Variants in MBD5 observed in about 807,000 individuals in gnomAD.
MBD5 encodes methyl-CpG binding domain protein 5.
MBD5 carries 13 observed loss-of-function variants against 117.3 expected under a neutral mutation model. The ratio of observed to expected loss-of-function variants is 0.11; its 90% CI spans 0.07 to 0.18. The LOEUF (loss-of-function observed/expected upper bound fraction) is 0.18. MBD5 is among the 10% of genes least tolerant of loss of function. MBD5 has a pLI of 1.00. For missense variants in MBD5, 1,879 were observed against 2,093.8 expected (o/e 0.90, Z 2.00); for synonymous variants, 727 against 766.4 (o/e 0.95, Z 0.85).
intron 8 of MBD5, among the ~76,000 whole-genome samples, chr2:148,480,457 G>C (rs1167114855): frequency 6.6e-6 from 1 of 152,048 alleles, no homozygotes; most frequent in African/African-American, 2.4e-5. Context: ...GAGAAATTGT[G>C]ATCTCTACAT....
chr2:148,032,030 A>T (rs1694052295), intron 1 of MBD5, among the ~76,000 whole-genome samples: 1 of 152,112 alleles, frequency 6.6e-6, no homozygotes, highest in Non-Finnish European at 1.5e-5. Context: ...CCAGAAATTG[A>T]ACTTTTTTAT....
chr2:148,414,719 CTTCT>C (rs1705367850), intron 4 of MBD5, among the ~76,000 whole-genome samples: 2 of 152,100 alleles, frequency 1.3e-5, no homozygotes. Flanking sequence ...ATGTAATGCT[CTTCT>C]TTGTCTTTTT....
intron 4 of MBD5, among the ~76,000 whole-genome samples, chr2:148,392,740 C>T (rs977041884): frequency 4.6e-5 from 7 of 152,178 alleles, no homozygotes; most frequent in African/African-American, 1.7e-4. Flanking sequence ...AGGAACTTCT[C>T]TTCATCCTTT....
intron 8 of MBD5, among the ~76,000 whole-genome samples, chr2:148,478,954 AC>A (rs1681057549): frequency 6.6e-6 from 1 of 152,198 alleles, no homozygotes; most frequent in African/African-American, 2.4e-5. Context: ...ACAAAACAAA[AC>A]AAAAAAACAG....
intron 1 of MBD5, among the ~76,000 whole-genome samples, chr2:148,168,770 G>A (rs1027283270): frequency 1.3e-5 from 2 of 151,888 alleles, no homozygotes; most frequent in Non-Finnish European, 2.9e-5. Context: ...TAAAAAAGAA[G>A]TGTGTCAGAG....
At chr2:148,306,704 C>T (rs912858310) in intron 3 of MBD5, among the ~76,000 whole-genome samples, 6 of 152,122 alleles carry the variant, frequency 3.9e-5, no homozygotes, top group African/African-American at 1.4e-4. Flanking sequence ...TTCATTCAGT[C>T]TCATGTAATT....
intron 4 of MBD5, among the ~76,000 whole-genome samples, chr2:148,438,388 T>G (rs1457780270): frequency 6.6e-6 from 1 of 152,222 alleles, no homozygotes; most frequent in Non-Finnish European, 1.5e-5. Context: ...ATTAAGCAAT[T>G]TTCTGCTTTC....
intron 4 of MBD5, among the ~76,000 whole-genome samples, chr2:148,389,186 GGTGTGT>G (rs70995313): frequency 0.37 from 32,753 of 88,954 alleles, 6,389 homozygotes; most frequent in East Asian, 0.56. Context: ...AGTATTCCGT[GGTGTGT>G]GTGTGTGTGT....
chr2:148,458,892 G>A (rs1352580459), intron 5 of MBD5, 21 bp downstream of exon 5: 1 of 1,579,726 alleles, frequency 6.3e-7, no homozygotes, highest in Non-Finnish European at 8.7e-7. Flanking sequence ...ATTATTACCT[G>A]TGGTACCTGC....
chr2:148,375,894 G>A (rs535372689), intron 4 of MBD5, among the ~76,000 whole-genome samples: 1 of 151,872 alleles, frequency 6.6e-6, no homozygotes, highest in South Asian at 2.1e-4. Flanking sequence ...GACTATCATC[G>A]TTCATACTTG....
chr2:148,300,867 T>C (rs1701764112), intron 3 of MBD5, among the ~76,000 whole-genome samples: 2 of 152,204 alleles, frequency 1.3e-5, no homozygotes, highest in Admixed American at 1.3e-4. Flanking sequence ...CTACTTCCAG[T>C]TTCCAAATAT....
At chr2:148,142,921 C>T (rs951213414) in intron 1 of MBD5, among the ~76,000 whole-genome samples, 1 of 152,072 alleles carries the variant, frequency 6.6e-6, no homozygotes. Context: ...TAGCCATGTT[C>T]CTAGTTCACT....
At chr2:148,128,922 T>C (rs1052770174) in intron 1 of MBD5, among the ~76,000 whole-genome samples, 2 of 152,212 alleles carry the variant, frequency 1.3e-5, no homozygotes, top group African/African-American at 4.8e-5. Context: ...GAAAATGATC[T>C]GGCATCTGAT....
chr2:148,417,176 G>A (rs1266910314), intron 4 of MBD5, among the ~76,000 whole-genome samples: 1 of 152,024 alleles, frequency 6.6e-6, no homozygotes, highest in Admixed American at 6.6e-5. Context: ...AGGCTGGAGT[G>A]CAGTGGTGTG....
At chr2:148,102,701 CACACACA>C in intron 1 of MBD5, among the ~76,000 whole-genome samples, 1 of 20,926 alleles carries the variant, frequency 4.8e-5, no homozygotes, top group Non-Finnish European at 1.7e-4. Flanking sequence ...AGAGAGAGAT[CACACACA>C]CACACACACA....
At chr2:148,442,251 G>GTA (rs1252674931) in intron 4 of MBD5, among the ~76,000 whole-genome samples, 1 of 151,382 alleles carries the variant, frequency 6.6e-6, no homozygotes, top group Non-Finnish European at 1.5e-5. Flanking sequence ...TGAGGGCTTG[G>GTA]TATATGCCTA....
intron 4 of MBD5, among the ~76,000 whole-genome samples, chr2:148,418,986 A>C (rs1186279455): frequency 6.6e-6 from 1 of 152,194 alleles, no homozygotes; most frequent in African/African-American, 2.4e-5. Flanking sequence ...GCCATTATAC[A>C]AGGCTATAGT....
intron 1 of MBD5, among the ~76,000 whole-genome samples, chr2:148,172,088 A>G (rs998262099): frequency 2.6e-5 from 4 of 152,186 alleles, no homozygotes; most frequent in Admixed American, 2.6e-4. Context: ...GGTGTGAGTG[A>G]TGTCCACAAT....
Position 148,306,333 on chromosome 2 carries a change from C to T in MBD5, c.-679-35881C>T, listed in dbSNP as rs553213408. Among the ~76,000 whole-genome samples, 433 of 152,282 alleles carry T rather than the reference C, an allele frequency of 2.8e-3. 5 individuals are homozygous for T. The highest frequency in any genetic ancestry group is 0.01 in the African/African-American group (424 of 41,548). ...TGGCTTATAAAGTTGACTCTAGTTTCTTAAATCTGTTTAGTCATATCTGAT... is the reference window on the plus strand; with the variant it reads ...TGGCTTATAAAGTTGACTCTAGTTTTTTAAATCTGTTTAGTCATATCTGAT... On this transcript the variant is annotated intron_variant, in intron 3 of 13. Transcript: ENST00000642680.
Sources: gnomAD v4.1 joint callset for allele counts (sites outside exome capture counted in the v4.1 genomes callset) on GRCh38, gnomAD v4.1.1 for gene constraint, MANE v1.5 for transcripts, NCBI Gene and HGNC (gene_info 2026-07-23, HGNC 2026-07-21) for gene names.